Variants in ADCY9 observed in about 807,000 individuals in gnomAD.
ADCY9 encodes adenylate cyclase type 9.
ADCY9 carries 50 observed loss-of-function variants against 101.5 expected under a neutral mutation model. That is an observed-to-expected ratio of 0.49 (90% confidence interval 0.39 to 0.62). ADCY9 has a LOEUF of 0.62. ADCY9 is among the 20% of genes least tolerant of loss of function. The pLI, the probability that ADCY9 is intolerant of heterozygous loss-of-function variation, is 0.00. For missense variants in ADCY9, 1,662 were observed against 1,800.4 expected, an observed-to-expected ratio of 0.92 and a Z score of 1.39; for synonymous variants, 905 against 769.3, an observed-to-expected ratio of 1.18 and a Z score of -2.92.
intron 2 of ADCY9, among the ~76,000 whole-genome samples, chr16:4,043,611 A>G (rs2056642550): frequency 6.6e-6 from 1 of 152,114 alleles, no homozygotes; most frequent in Non-Finnish European, 1.5e-5. Context: ...ACTCACTTGA[A>G]CATGAGAGGC....
chr16:4,039,911 C>T, intron 2 of ADCY9, among the ~76,000 whole-genome samples: 1 of 152,008 alleles, frequency 6.6e-6, no homozygotes, highest in East Asian at 1.9e-4. Context: ...TGATGGTGCA[C>T]ACCTGTAGTC....
intron 2 of ADCY9, among the ~76,000 whole-genome samples, chr16:4,095,220 C>T (rs1778756216): frequency 1.3e-5 from 2 of 151,960 alleles, no homozygotes; most frequent in Admixed American, 1.3e-4. Flanking sequence ...AGGCTGATCT[C>T]GAACTCCTGA....
chr16:4,084,837 A>T (rs1018128799), intron 2 of ADCY9, among the ~76,000 whole-genome samples: 2 of 152,158 alleles, frequency 1.3e-5, no homozygotes, highest in Non-Finnish European at 2.9e-5. Context: ...CAGAAACCCA[A>T]CAAGGAACGA....
intron 3 of ADCY9, among the ~76,000 whole-genome samples, chr16:3,996,663 G>A (rs141338286): frequency 6.7e-4 from 102 of 152,238 alleles, no homozygotes; most frequent in Non-Finnish European, 1.1e-3. Flanking sequence ...AGTAAATGCT[G>A]GTAGTGAATA....
At chr16:4,100,047 G>C (rs756762517) in intron 2 of ADCY9, among the ~76,000 whole-genome samples, 8 of 152,156 alleles carry the variant, frequency 5.3e-5, no homozygotes, top group African/African-American at 7.2e-5. Context: ...TGTCGAGGGA[G>C]GGACCTGGTG....
intron 9 of ADCY9, 137 bp downstream of exon 9, chr16:3,977,345 G>C: frequency 8.9e-7 from 1 of 1,126,306 alleles, no homozygotes; most frequent in South Asian, 1.6e-5. Context: ...GATGTGTGCT[G>C]ACAGCTATTT....
chr16:4,107,967 G>C (rs556880306), intron 2 of ADCY9, among the ~76,000 whole-genome samples: 1 of 152,138 alleles, frequency 6.6e-6, no homozygotes, highest in East Asian at 1.9e-4. Flanking sequence ...GCATACCAGC[G>C]GGTCTCCTCC....
intron 2 of ADCY9, among the ~76,000 whole-genome samples, chr16:4,030,114 T>C (rs1032790959): frequency 2.0e-5 from 3 of 152,120 alleles, no homozygotes; most frequent in South Asian, 2.1e-4. Context: ...CCGATGGAAG[T>C]TGAAGACACT....
chr16:4,105,210 T>A (rs1316275245), intron 2 of ADCY9, among the ~76,000 whole-genome samples: 2 of 152,212 alleles, frequency 1.3e-5, no homozygotes, highest in Non-Finnish European at 2.9e-5. Flanking sequence ...GTTACTTACA[T>A]TAACATGCAA....
chr16:4,038,822 T>C (rs577753051), intron 2 of ADCY9, among the ~76,000 whole-genome samples: 45 of 152,138 alleles, frequency 3.0e-4, no homozygotes, highest in Admixed American at 4.6e-4. Context: ...AATCCACTAC[T>C]TTCCTTCCAC....
At chr16:4,035,278 G>T (rs1414791685) in intron 2 of ADCY9, among the ~76,000 whole-genome samples, 3 of 151,980 alleles carry the variant, frequency 2.0e-5, no homozygotes, top group Non-Finnish European at 4.4e-5. Context: ...AATTCTGCCA[G>T]GTGCTAAGTA....
chr16:4,008,296 C>T (rs969037613), intron 2 of ADCY9, among the ~76,000 whole-genome samples: 1 of 151,972 alleles, frequency 6.6e-6, no homozygotes, highest in Non-Finnish European at 1.5e-5. Context: ...CCACACTGCG[C>T]TGGAAGGAGC....
At chr16:4,112,110 G>A (rs1450544053) in intron 2 of ADCY9, among the ~76,000 whole-genome samples, 2 of 152,192 alleles carry the variant, frequency 1.3e-5, no homozygotes, top group African/African-American at 2.4e-5. Context: ...TCCAAGGACA[G>A]AGCTCACAAC....
At chr16:3,974,815 G>A in intron 9 of ADCY9, 105 bp from the exon 10 acceptor site, 6 of 909,404 alleles carry the variant, frequency 6.6e-6, no homozygotes, top group South Asian at 1.4e-5. Flanking sequence ...TTTAGACGTG[G>A]TTGTACATCC....
At chr16:3,979,891 G>C (rs933714163) in intron 7 of ADCY9, among the ~76,000 whole-genome samples, 3 of 152,270 alleles carry the variant, frequency 2.0e-5, no homozygotes, top group Admixed American at 6.5e-5. Flanking sequence ...CTACAAACAG[G>C]GTGCTCTGTG....
chr16:4,053,928 A>T (rs576698241), intron 2 of ADCY9: 2 of 152,304 alleles, frequency 1.3e-5, no homozygotes, highest in African/African-American at 2.4e-5. Context: ...TTACAGTTGC[A>T]ACCAGCAGCC....
intron 3 of ADCY9, among the ~76,000 whole-genome samples, chr16:3,997,051 G>C (rs1036673620): frequency 1.3e-5 from 2 of 152,122 alleles, no homozygotes; most frequent in Non-Finnish European, 2.9e-5. Flanking sequence ...TTTCAGTAGA[G>C]ATGGGGTTTC....
At chr16:4,000,960 C>CCT (rs1258846122) in intron 3 of ADCY9, among the ~76,000 whole-genome samples, 2 of 129,122 alleles carry the variant, frequency 1.5e-5, no homozygotes, top group African/African-American at 5.7e-5. Context: ...CATTTCCATC[C>CCT]CTCTCTCTAC....
At chr16:3,971,875 T>C (rs564080672) in intron 10 of ADCY9, among the ~76,000 whole-genome samples, 4 of 152,274 alleles carry the variant, frequency 2.6e-5, no homozygotes, top group African/African-American at 9.6e-5. Context: ...CTCACTCTAA[T>C]CTGCGGGAGC....
Sources: allele counts gnomAD v4.1 joint callset (sites outside exome capture counted in the v4.1 genomes callset), GRCh38; gene constraint gnomAD v4.1.1; transcripts MANE v1.5; gene names NCBI Gene and HGNC (gene_info 2026-07-23, HGNC 2026-07-21).